Variants in LDLRAD3 observed in about 807,000 individuals in gnomAD.
The protein encoded by LDLRAD3 is low-density lipoprotein receptor class A domain-containing protein 3.
Under a neutral mutation model 29.4 loss-of-function variants are expected in LDLRAD3, and 20 were observed. That is an observed-to-expected ratio of 0.68 (90% CI 0.48 to 0.99). The LOEUF (loss-of-function observed/expected upper bound fraction) is 0.99, where lower values mean the gene tolerates loss of function less well. Among genes scored for constraint, LDLRAD3 ranks in the 50% least tolerant of loss-of-function variants. LDLRAD3 has a pLI of 0.00. For missense variants in LDLRAD3, 420 were observed against 454.3 expected, an observed-to-expected ratio of 0.92 and a Z score of 0.69; for synonymous variants, 157 against 192.7, an observed-to-expected ratio of 0.81 and a Z score of 1.53.
intron 2 of LDLRAD3, among the ~76,000 whole-genome samples, chr11:36,076,255 T>TCCAA (rs71862151): frequency 6.6e-6 from 1 of 151,980 alleles, no homozygotes; most frequent in Non-Finnish European, 1.5e-5. Flanking sequence ...CATCCATCCA[T>TCCAA]CCATCCATCC....
intron 2 of LDLRAD3, among the ~76,000 whole-genome samples, chr11:36,053,524 G>A (rs535955709): frequency 2.0e-5 from 3 of 152,138 alleles, no homozygotes; most frequent in African/African-American, 2.4e-5. Context: ...GGTAAGTCTC[G>A]CCACCTGTCC....
rs146744733 is a variant in LDLRAD3 at position 35,960,584 on chromosome 11, GTGTTT to G, written c.46+16456_46+16460del. Among the ~76,000 whole-genome samples, 87 of 152,158 alleles carry G rather than the reference GTGTTT, an allele frequency of 5.7e-4. 1 individual carries two copies. In the South Asian group the frequency reaches 8.3e-3, roughly 15 times the overall value. ...CCAAGGTGCAAGGTGGTGACTTGCT[GTGTTT>G]TGTTTTGTTTTGTTTGTTTATTTTT... On this transcript the variant is annotated intron_variant, in intron 1 of 5. Coordinates refer to ENST00000315571, the MANE Select transcript of LDLRAD3 (RefSeq NM_174902.4).
chr11:35,998,195 C>G (rs1361490903), intron 1 of LDLRAD3, among the ~76,000 whole-genome samples: 1 of 152,148 alleles, frequency 6.6e-6, no homozygotes, highest in Non-Finnish European at 1.5e-5. Flanking sequence ...GAACTCTGAG[C>G]TGATTTTTGG....
chr11:36,061,617 C>T (rs1852701578), intron 2 of LDLRAD3, among the ~76,000 whole-genome samples: 1 of 152,186 alleles, frequency 6.6e-6, no homozygotes, highest in Non-Finnish European at 1.5e-5. Context: ...TGTCATCATG[C>T]CCTGTTTTGG....
At chr11:36,172,372 A>G (rs764723943) in intron 4 of LDLRAD3, among the ~76,000 whole-genome samples, 57 of 150,960 alleles carry the variant, frequency 3.8e-4, no homozygotes, top group Non-Finnish European at 6.9e-4. Flanking sequence ...ACTATGTTGA[A>G]TAGAAGTGGC....
chr11:36,194,679 C>G (rs1490456672), intron 4 of LDLRAD3, among the ~76,000 whole-genome samples: 1 of 152,106 alleles, frequency 6.6e-6, no homozygotes, highest in East Asian at 1.9e-4. Context: ...TCAACCATAC[C>G]CCTACCAGTA....
intron 1 of LDLRAD3, among the ~76,000 whole-genome samples, chr11:36,004,974 C>T (rs1476747995): frequency 3.9e-5 from 6 of 152,168 alleles, no homozygotes; most frequent in African/African-American, 7.2e-5. Flanking sequence ...GGGTCCTGGG[C>T]CCTGCTCACA....
chr11:36,087,909 G>C (rs1284210821), intron 3 of LDLRAD3, among the ~76,000 whole-genome samples: 1 of 151,808 alleles, frequency 6.6e-6, no homozygotes, highest in Non-Finnish European at 1.5e-5. Flanking sequence ...AGTAGTGTCG[G>C]AGTTTAACCC....
At position 36,135,324 on chromosome 11, in the gene LDLRAD3, T is replaced by C. The variant is rs1853988454; in HGVS notation, c.454+36863T>C. ...GATTCTTGAAAGATTGATTGCTGGC[T>C]TTTTGCCCTTTCCCCATGGCTGGGG... On this transcript the variant is annotated intron_variant, in intron 4 of 5. Coordinates refer to ENST00000315571, the MANE Select transcript of LDLRAD3 (RefSeq NM_174902.4). Among the ~76,000 whole-genome samples, 3 of 152,334 alleles carry C rather than the reference T, an allele frequency of 2.0e-5. No individual in the cohort carries two copies. The South Asian group carries it at 6.2e-4, about 32-fold the overall frequency.
intron 4 of LDLRAD3, among the ~76,000 whole-genome samples, chr11:36,104,353 C>T (rs1461190858): frequency 1.3e-5 from 2 of 152,124 alleles, no homozygotes; most frequent in African/African-American, 2.4e-5. Flanking sequence ...CAGGGTGTGG[C>T]CACTCCTGGG....
At chr11:36,054,986 G>GGATGGATAGATGGTTGGATGA (rs1852594527) in intron 2 of LDLRAD3, among the ~76,000 whole-genome samples, 1 of 113,640 alleles carries the variant, frequency 8.8e-6, no homozygotes, top group Admixed American at 1.0e-4. Context: ...TGGATGGATG[G>GGATGGATAGATGGTTGGATGA]ATGGATGGAT....
rs1318403554 is a variant in LDLRAD3 at position 36,040,518 on chromosome 11, AT to A, written c.193+4274del. Among the ~76,000 whole-genome samples the A allele has an allele frequency of 3.3e-5, 5 of 152,010 alleles. No homozygotes were observed. In the East Asian group the frequency reaches 5.8e-4, roughly 18 times the overall value. ...TAACAGTTTTTCTGTATCTCCCCCC[AT>A]TTTTCTCTTTATCATTTTTAGTGCC... On this transcript the variant is annotated intron_variant, in intron 2 of 5. Transcript: ENST00000315571.
In LDLRAD3 at chr11:36,002,020, C is replaced by T. The variant is rs531494934; in HGVS notation, c.47-34083C>T. ...GCAGCTCTGTTCTAATATTAATTAA[C>T]ATTTACAAAACACAAAGGGCCCCTT... On this transcript the variant is annotated intron_variant, in intron 1 of 5. Coordinates refer to ENST00000315571, the MANE Select transcript of LDLRAD3 (RefSeq NM_174902.4). 7.2e-5 allele frequency among the ~76,000 whole-genome samples: 11 copies of T among 152,272 alleles called. No individual in the cohort carries two copies. The South Asian group carries it at 2.1e-3, about 29-fold the overall frequency.
intron 2 of LDLRAD3, among the ~76,000 whole-genome samples, chr11:36,069,732 A>G (rs1313030306): frequency 6.6e-6 from 1 of 151,720 alleles, no homozygotes; most frequent in Admixed American, 6.6e-5. Context: ...CCTTTACCAC[A>G]TTGTTCTGCC....
chr11:36,198,952 A>G (rs942603849), intron 4 of LDLRAD3, among the ~76,000 whole-genome samples: 4 of 152,040 alleles, frequency 2.6e-5, no homozygotes, highest in Admixed American at 1.3e-4. Context: ...CCAGGCTGGA[A>G]TGGAATGGCG....
chr11:36,008,031 T>A (rs542464468), intron 1 of LDLRAD3, among the ~76,000 whole-genome samples: 1 of 152,332 alleles, frequency 6.6e-6, no homozygotes, highest in Admixed American at 6.5e-5. Context: ...CTGAGTGGCC[T>A]CTTCTCCTTT....
chr11:36,161,606 A>G (rs965446841), intron 4 of LDLRAD3, among the ~76,000 whole-genome samples: 1 of 149,844 alleles, frequency 6.7e-6, no homozygotes, highest in Non-Finnish European at 1.5e-5. Flanking sequence ...GGATGGATGG[A>G]GTACAACAAT....
chr11:36,166,574 G>A (rs999388310), intron 4 of LDLRAD3, among the ~76,000 whole-genome samples: 17 of 152,128 alleles, frequency 1.1e-4, no homozygotes, highest in Non-Finnish European at 2.4e-4. Context: ...TGATTAATAA[G>A]AGAGATGACT....
At chr11:36,128,136 G>GTATATATATATATATATATA (rs1565242649) in intron 4 of LDLRAD3, among the ~76,000 whole-genome samples, 2 of 93,954 alleles carry the variant, frequency 2.1e-5, no homozygotes, top group East Asian at 8.1e-4. Flanking sequence ...ATATATATAT[G>GTATATATATATATATATATA]TATATGACAT....
Sources: gnomAD v4.1 joint callset for allele counts (sites outside exome capture counted in the v4.1 genomes callset) on GRCh38, gnomAD v4.1.1 for gene constraint, MANE v1.5 for transcripts, NCBI Gene and HGNC (gene_info 2026-07-23, HGNC 2026-07-21) for gene names.